The following GPC5 variants were observed in gnomAD, a reference collection of about 807,000 sequenced individuals.
GPC5 encodes glypican-5.
A neutral mutation model predicts 53.9 loss-of-function variants in GPC5; 47 were observed. That is an observed-to-expected ratio of 0.87 (90% CI 0.69 to 1.11). The LOEUF is 1.11. Ranked by LOEUF, GPC5 falls within the 50% of genes most tolerant of loss-of-function variation. GPC5 has a pLI of 0.00. For missense variants in GPC5, 748 were observed against 713.1 expected (o/e 1.05, Z -0.56); for synonymous variants, 286 against 263.3 (o/e 1.09, Z -0.84).
At chr13:92,552,439 A>G (rs373017574) in intron 7 of GPC5, among the ~76,000 whole-genome samples, 3 of 151,982 alleles carry the variant, frequency 2.0e-5, no homozygotes, top group Non-Finnish European at 4.4e-5. Flanking sequence ...ATATTTGAAG[A>G]GCAAGAAAAT....
chr13:92,007,409 G>A lies in GPC5; in HGVS notation c.1401+99352G>A, dbSNP rs2040617001. On this transcript the variant is annotated intron_variant, in intron 6 of 7. Coordinates refer to ENST00000377067, the MANE Select transcript of GPC5 (RefSeq NM_004466.6). ...ATGCATATTGAAGTTCTGATATTAG[G>A]TTCATACACGTTTAGGATTGTTTAA... 1.3e-5 allele frequency among the ~76,000 whole-genome samples: 2 copies of A among 152,114 alleles called. 1 individual carries two copies. Among genetic ancestry groups the A allele is most frequent in the Middle Eastern group, 6.8e-3 (2 of 294 alleles).
chr13:91,928,003 T>A (rs1198584477), intron 6 of GPC5, among the ~76,000 whole-genome samples: 1 of 152,216 alleles, frequency 6.6e-6, no homozygotes, highest in Non-Finnish European at 1.5e-5. Flanking sequence ...AATAGATTGA[T>A]GTTAGTAAGA....
intron 7 of GPC5, among the ~76,000 whole-genome samples, chr13:92,733,840 C>A (rs980143359): frequency 6.6e-6 from 1 of 151,706 alleles, no homozygotes; most frequent in Non-Finnish European, 1.5e-5. Flanking sequence ...TAAGCTATGA[C>A]AGGCCATCAG....
intron 2 of GPC5, among the ~76,000 whole-genome samples, chr13:91,514,073 GT>G (rs1885373134): frequency 6.6e-6 from 1 of 152,116 alleles, no homozygotes; most frequent in African/African-American, 2.4e-5. Flanking sequence ...GTTGTTTCTG[GT>G]TTTTGGTTAT....
intron 6 of GPC5, among the ~76,000 whole-genome samples, chr13:92,091,778 AAAC>A (rs1333771157): frequency 2.0e-5 from 3 of 152,036 alleles, no homozygotes; most frequent in African/African-American, 7.2e-5. Flanking sequence ...AAAAAAAAAA[AAAC>A]AATGTGAAAG....
chr13:91,885,202 T>C (rs2039309244), intron 5 of GPC5, among the ~76,000 whole-genome samples: 1 of 152,206 alleles, frequency 6.6e-6, no homozygotes, highest in Non-Finnish European at 1.5e-5. Flanking sequence ...AAATCAGTAA[T>C]GGATATACCG....
chr13:92,822,377 G>C (rs1332294878), intron 7 of GPC5, among the ~76,000 whole-genome samples: 2 of 151,894 alleles, frequency 1.3e-5, no homozygotes, highest in Non-Finnish European at 2.9e-5. Flanking sequence ...CTCTCTCTCT[G>C]AGTTAAGGAC....
chr13:92,071,844 T>C (rs1338213009), intron 6 of GPC5, among the ~76,000 whole-genome samples: 1 of 147,498 alleles, frequency 6.8e-6, no homozygotes, highest in African/African-American at 2.5e-5. Flanking sequence ...TTCATATATA[T>C]ATAACGAATT....
chr13:92,252,767 G>A (rs1401500443), intron 7 of GPC5, among the ~76,000 whole-genome samples: 2 of 152,112 alleles, frequency 1.3e-5, no homozygotes, highest in African/African-American at 4.8e-5. Flanking sequence ...TCGAAAAGTT[G>A]TAAAGGAACA....
intron 7 of GPC5, among the ~76,000 whole-genome samples, chr13:92,384,817 A>G (rs528500485): frequency 2.0e-4 from 31 of 152,316 alleles, no homozygotes; most frequent in African/African-American, 7.2e-4. Context: ...AGATGGAATC[A>G]TGCATTAATG....
intron 6 of GPC5, among the ~76,000 whole-genome samples, chr13:92,099,636 G>C (rs1405200325): frequency 6.6e-6 from 1 of 152,136 alleles, no homozygotes; most frequent in Non-Finnish European, 1.5e-5. Context: ...AAAAGTCAGA[G>C]TGCCTGATGC....
intron 6 of GPC5, among the ~76,000 whole-genome samples, chr13:91,993,545 G>A (rs1479190499): frequency 2.0e-5 from 3 of 152,094 alleles, no homozygotes; most frequent in Non-Finnish European, 2.9e-5. Context: ...GCAGAAACAC[G>A]TTTTGTCAGA....
chr13:92,167,225 G>C (rs1474329943), intron 7 of GPC5, among the ~76,000 whole-genome samples: 2 of 152,134 alleles, frequency 1.3e-5, no homozygotes. Context: ...ACAACTCATT[G>C]TAATCCTGTA....
chr13:92,696,083 T>C (rs1887548173), intron 7 of GPC5, among the ~76,000 whole-genome samples: 1 of 152,210 alleles, frequency 6.6e-6, no homozygotes, highest in Admixed American at 6.5e-5. Flanking sequence ...CACCTTTCTT[T>C]ATCCAGTCTA....
chr13:91,985,059 A>G (rs1297271569), intron 6 of GPC5, among the ~76,000 whole-genome samples: 1 of 152,190 alleles, frequency 6.6e-6, no homozygotes, highest in African/African-American at 2.4e-5. Flanking sequence ...ATCGTAAATT[A>G]TTCAGCTATG....
At chr13:92,256,444 A>C (rs2139135236) in intron 7 of GPC5, among the ~76,000 whole-genome samples, 1 of 152,194 alleles carries the variant, frequency 6.6e-6, no homozygotes, top group East Asian at 1.9e-4. Flanking sequence ...TTTCAAACCC[A>C]GAATATTGTC....
rs532194305 is a variant in GPC5, at chr13:91,824,135, C to T, written c.1280+67715C>T. Among the ~76,000 whole-genome samples the T allele has an allele frequency of 6.6e-5, 10 of 152,108 alleles. No individual in the cohort carries two copies. The South Asian group carries it at 1.2e-3, about 19-fold the overall frequency. ...AGAATAAGACTGTATAAATCTATTT[C>T]ATTTCTCTCAATGCATAAGACAGTA... On this transcript the variant is annotated intron_variant, in intron 5 of 7. Coordinates refer to ENST00000377067, the MANE Select transcript of GPC5 (RefSeq NM_004466.6).
chr13:92,295,553 G>T (rs755427318), intron 7 of GPC5, among the ~76,000 whole-genome samples: 19 of 152,234 alleles, frequency 1.2e-4, no homozygotes, highest in Non-Finnish European at 2.4e-4. Context: ...TGTCAGTGGA[G>T]TATTGAAGTC....
intron 7 of GPC5, among the ~76,000 whole-genome samples, chr13:92,475,334 G>T (rs1389084305): frequency 1.4e-5 from 2 of 147,410 alleles, no homozygotes; most frequent in South Asian, 4.5e-4. Flanking sequence ...CTACCCATGA[G>T]CATGGAATGT....
Sources: allele counts gnomAD v4.1 joint callset (sites outside exome capture counted in the v4.1 genomes callset), GRCh38; gene constraint gnomAD v4.1.1; transcripts MANE v1.5; gene names NCBI Gene and HGNC (gene_info 2026-07-23, HGNC 2026-07-21).